The following UBXN7 variants were observed in gnomAD, a reference collection of about 807,000 sequenced individuals.
UBXN7 encodes UBX domain protein 7.
A neutral mutation model predicts 58.0 loss-of-function variants in UBXN7; 9 were observed. The observed-to-expected ratio is 0.16, with a 90% CI of 0.09 to 0.27. The LOEUF is 0.27. Among genes scored for constraint, UBXN7 ranks in the 10% least tolerant of loss-of-function variants. UBXN7 has a pLI of 1.00. For synonymous variants in UBXN7, 208 were observed against 205.0 expected (o/e 1.01, Z -0.12); for missense variants, 328 against 599.6 (o/e 0.55, Z 4.73).
At position 196,361,840 on chromosome 3, in the gene UBXN7, TTAC is replaced by T; in HGVS notation, c.1308+1_1308+3del. 1 of 1,613,614 alleles carries T rather than the reference TTAC, an allele frequency of 6.2e-7. No individual in the cohort carries two copies. The highest frequency in any genetic ancestry group is 8.5e-7 in the Non-Finnish European group (1 of 1,179,694). On this transcript the variant is annotated splice_donor_variant and splice_donor_region_variant and intron_variant, in intron 10 of 10. Coordinates refer to ENST00000296328, the MANE Select transcript of UBXN7 (RefSeq NM_015562.2). LOFTEE classifies it high-confidence loss of function. ...GAACTGAACCAAAGCAAGCCTGTAC[TTAC>T]TAGCAGTTTAGCTTGCTCTGGAAGA...
At position 196,375,020 on chromosome 3, in the gene UBXN7, A is replaced by G. The variant is rs867090176; in HGVS notation, c.469-2978T>C. Among the ~76,000 whole-genome samples the G allele has an allele frequency of 9.0e-5, 11 of 122,710 alleles. No individual in the cohort carries two copies. The South Asian group carries it at 1.3e-3, about 15-fold the overall frequency. 80.5% of individuals were successfully genotyped at this position (122,710 alleles called of 152,430 possible). ...GGAGGGAGGGAGGAAGGAAGGAAGG[A>G]AGGAAGGAAGGAAGGAAGGAAGGGA... On this transcript the variant is annotated intron_variant, in intron 5 of 10. Coordinates refer to ENST00000296328, the MANE Select transcript of UBXN7 (RefSeq NM_015562.2).
chr3:196,396,169 C>A (rs770717395), intron 3 of UBXN7, among the ~76,000 whole-genome samples: 2 of 150,636 alleles, frequency 1.3e-5, no homozygotes, highest in Non-Finnish European at 2.9e-5. Context: ...AAATGTCATA[C>A]TTTTCAATCT....
chr3:196,379,423 C>T (rs191590870), intron 5 of UBXN7, among the ~76,000 whole-genome samples: 2 of 152,266 alleles, frequency 1.3e-5, no homozygotes, highest in Admixed American at 1.3e-4. Context: ...TAGGTCTCAG[C>T]CTTATTTTAC....
chr3:196,369,529 TA>T lies in UBXN7; in HGVS notation c.616-19del, dbSNP rs144406807. 4.3e-3 allele frequency: 6,019 copies of T among 1,387,282 alleles called. 1 individual carries two copies. Among genetic ancestry groups the T allele is most frequent in the Admixed American group, 6.1e-3 (282 of 46,576 alleles). 85.9% of individuals were successfully genotyped at this position (1,387,282 alleles called of 1,614,324 possible). On this transcript the variant is annotated intron_variant, in intron 6 of 10. Coordinates refer to ENST00000296328, the MANE Select transcript of UBXN7 (RefSeq NM_015562.2). Reference sequence around the variant, plus strand: ...TGATAAACCTGTTAAATCATTGATATAAAAAAAAAAGTCAGCCTCTAAGAAA... The same window carrying T: ...TGATAAACCTGTTAAATCATTGATATAAAAAAAAAGTCAGCCTCTAAGAAA...
intron 8 of UBXN7, 55 bp from the exon 9 acceptor site, chr3:196,362,742 A>G: frequency 1.3e-6 from 2 of 1,536,494 alleles, no homozygotes; most frequent in Non-Finnish European, 1.7e-6. Flanking sequence ...CCAAAAAACA[A>G]GTCAAACGGC....
intron 1 of UBXN7, among the ~76,000 whole-genome samples, chr3:196,407,623 TAAAAC>T (rs1489572952): frequency 6.6e-6 from 1 of 152,014 alleles, no homozygotes; most frequent in Admixed American, 6.6e-5. Context: ...TCCTTCATAA[TAAAAC>T]AAAAACTAAA....
At chr3:196,407,634 C>G (rs1261591724) in intron 1 of UBXN7, among the ~76,000 whole-genome samples, 1 of 151,844 alleles carries the variant, frequency 6.6e-6, no homozygotes, top group Non-Finnish European at 1.5e-5. Flanking sequence ...AAAACAAAAA[C>G]TAAATAAAGC....
chr3:196,367,053 T>C (rs891023777), intron 8 of UBXN7, among the ~76,000 whole-genome samples: 12 of 151,730 alleles, frequency 7.9e-5, no homozygotes, highest in Admixed American at 2.0e-4. Context: ...TGCAGTGGTG[T>C]ACGTCTGTAA....
At chr3:196,425,040 T>C (rs752845012) in intron 1 of UBXN7, among the ~76,000 whole-genome samples, 1 of 152,050 alleles carries the variant, frequency 6.6e-6, no homozygotes, top group Non-Finnish European at 1.5e-5. Flanking sequence ...TATGACAGAT[T>C]TCTCACTCTT....
rs1030877846 is a variant in UBXN7, at chr3:196,431,756, T to C, written c.73+571A>G. ...CCCGCTTCTGGCGGCCTGTCCCCCG[T>C]GAAGTGTAAAGGCACGGCCGAACCC... On this transcript the variant is annotated intron_variant, in intron 1 of 10. Coordinates refer to ENST00000296328, the MANE Select transcript of UBXN7 (RefSeq NM_015562.2). The C allele has an allele frequency of 2.2e-5, 10 of 448,122 alleles. No homozygotes were observed. The Admixed American group carries it at 2.4e-4, about 11-fold the overall frequency. The allele number at this position is 448,122 out of a possible 1,614,324, so 27.8% of individuals were successfully genotyped here.
chr3:196,398,061 A>C lies in UBXN7; in HGVS notation c.290-4442T>G, dbSNP rs371148721. Among the ~76,000 whole-genome samples the C allele has an allele frequency of 1.1e-4, 17 of 152,318 alleles. 1 individual carries two copies. The East Asian group carries it at 2.9e-3, about 26-fold the overall frequency. On this transcript the variant is annotated intron_variant, in intron 3 of 10. Coordinates refer to ENST00000296328, the MANE Select transcript of UBXN7 (RefSeq NM_015562.2). Reference sequence around the variant, plus strand: ...AATGTGGCAGACATGATGGGATTTCACTTCCAGATTACGTTACAAAAAGAC... The same window carrying C: ...AATGTGGCAGACATGATGGGATTTCCCTTCCAGATTACGTTACAAAAAGAC...
intron 5 of UBXN7, among the ~76,000 whole-genome samples, chr3:196,386,701 C>T (rs564684431): frequency 9.2e-5 from 14 of 152,040 alleles, no homozygotes; most frequent in African/African-American, 2.7e-4. Context: ...CACTGCTCAA[C>T]GAAATAAAAG....
chr3:196,414,734 C>T (rs1400067508), intron 1 of UBXN7: 1 of 152,178 alleles, frequency 6.6e-6, no homozygotes, highest in Admixed American at 6.5e-5. Flanking sequence ...AATCTTTACC[C>T]TTGTCTCTGC....
intron 5 of UBXN7, among the ~76,000 whole-genome samples, chr3:196,380,450 T>G (rs1030605730): frequency 6.6e-6 from 1 of 152,196 alleles, no homozygotes; most frequent in African/African-American, 2.4e-5. Context: ...ACAGAGCTAA[T>G]CATCCTAATA....
Position 196,356,438 on chromosome 3 carries a change from AG to A in UBXN7, c.*246del, listed in dbSNP as rs555189688. 125 of 383,184 alleles carry A rather than the reference AG, an allele frequency of 3.3e-4. No homozygotes were observed. Among genetic ancestry groups the A allele is most frequent in the Middle Eastern group, 1.4e-3 (2 of 1,454 alleles). The allele number at this position is 383,184 out of a possible 1,614,324, so 23.7% of individuals were successfully genotyped here. On this transcript the variant is annotated 3_prime_UTR_variant, in exon 11 of 11. Transcript: ENST00000296328. ...GTTTGGTCACCAGATTAGGTAAGAA[AG>A]AAAAGTGTGGGGGGAGGGGGAGGCA...
At chr3:196,382,365 A>G (rs1447963956) in intron 5 of UBXN7, among the ~76,000 whole-genome samples, 2 of 152,366 alleles carry the variant, frequency 1.3e-5, no homozygotes, top group East Asian at 1.9e-4. Context: ...TTTTCAACCC[A>G]GAATTTCATA....
intron 3 of UBXN7, among the ~76,000 whole-genome samples, chr3:196,396,523 G>A (rs1175757641): frequency 1.3e-5 from 2 of 152,184 alleles, no homozygotes; most frequent in Non-Finnish European, 2.9e-5. Context: ...AGCACTTTGG[G>A]AGACCGAGGT....
intron 1 of UBXN7, among the ~76,000 whole-genome samples, chr3:196,413,826 A>G (rs965666535): frequency 6.6e-6 from 1 of 152,174 alleles, no homozygotes; most frequent in Non-Finnish European, 1.5e-5. Flanking sequence ...TTCATATAAA[A>G]TGGTACAGTA....
intron 8 of UBXN7, among the ~76,000 whole-genome samples, chr3:196,363,055 C>CATGAAT (rs1728549298): frequency 6.6e-6 from 1 of 151,878 alleles, no homozygotes; most frequent in African/African-American, 2.4e-5. Context: ...CAAGCGCCCG[C>CATGAAT]CACCACGCCC....
Sources: allele counts gnomAD v4.1 joint callset (sites outside exome capture counted in the v4.1 genomes callset), GRCh38; gene constraint gnomAD v4.1.1; transcripts MANE v1.5; gene names NCBI Gene and HGNC (gene_info 2026-07-23, HGNC 2026-07-21).